DOCK10: variants seen among roughly 807,000 people sequenced by gnomAD.
DOCK10 encodes the protein dedicator of cytokinesis 10, also known as dedicator of cytokinesis protein 10.
A neutral mutation model predicts 280.1 loss-of-function variants in DOCK10; 145 were observed. The observed-to-expected ratio is 0.52, with a 90% CI of 0.45 to 0.59. DOCK10 has a LOEUF of 0.59. Among genes scored for constraint, DOCK10 ranks in the 20% least tolerant of loss-of-function variants. The pLI is 0.00. For missense variants in DOCK10, 2,368 were observed against 2,651.7 expected (o/e 0.89, Z 2.35); for synonymous variants, 915 against 942.2 (o/e 0.97, Z 0.53).
intron 1 of DOCK10, among the ~76,000 whole-genome samples, chr2:225,035,571 T>TATA (rs1553634941): frequency 1.4e-4 from 6 of 43,870 alleles, no homozygotes; most frequent in Non-Finnish European, 2.3e-4. Context: ...TATATATATA[T>TATA]ATATATATAT....
At chr2:224,785,525 G>A (rs1691671927) in intron 50 of DOCK10, among the ~76,000 whole-genome samples, 1 of 152,116 alleles carries the variant, frequency 6.6e-6, no homozygotes, top group Admixed American at 6.5e-5. Context: ...CTGTCACCCA[G>A]TCTAGAGTGC....
At chr2:224,966,078 C>T (rs991141931) in intron 1 of DOCK10, among the ~76,000 whole-genome samples, 15 of 152,162 alleles carry the variant, frequency 9.9e-5, no homozygotes, top group Non-Finnish European at 1.9e-4. Flanking sequence ...AATTGATTAA[C>T]GTTCTCCTAT....
chr2:224,898,005 A>G (rs963189705), intron 3 of DOCK10, among the ~76,000 whole-genome samples: 1 of 152,164 alleles, frequency 6.6e-6, no homozygotes, highest in Non-Finnish European at 1.5e-5. Context: ...GAAAATGAAG[A>G]GTAATAAACC....
intron 1 of DOCK10, among the ~76,000 whole-genome samples, chr2:224,999,667 AAT>A (rs1706373556): frequency 6.6e-6 from 1 of 152,004 alleles, no homozygotes; most frequent in South Asian, 2.1e-4. Flanking sequence ...TCTCAAAAAT[AAT>A]ATGATTCCCT....
chr2:224,884,613 T>A (rs1699169710), intron 7 of DOCK10, among the ~76,000 whole-genome samples: 1 of 152,198 alleles, frequency 6.6e-6, no homozygotes, highest in Non-Finnish European at 1.5e-5. Flanking sequence ...TGGCCCGTGC[T>A]GAATTTCATA....
At chr2:224,974,030 G>A (rs1010502381) in intron 1 of DOCK10, among the ~76,000 whole-genome samples, 1 of 152,180 alleles carries the variant, frequency 6.6e-6, no homozygotes, top group Non-Finnish European at 1.5e-5. Context: ...GAGGAGGTGC[G>A]ATGTCCAAAG....
chr2:224,907,932 G>A (rs1700758132), intron 3 of DOCK10, among the ~76,000 whole-genome samples: 2 of 152,058 alleles, frequency 1.3e-5, no homozygotes, highest in Non-Finnish European at 2.9e-5. Context: ...AAAGATACTT[G>A]GAGAAAAATG....
intron 1 of DOCK10, among the ~76,000 whole-genome samples, chr2:224,959,234 G>T (rs1032318198): frequency 2.6e-5 from 4 of 152,068 alleles, no homozygotes; most frequent in Admixed American, 6.6e-5. Context: ...GATGGCATCA[G>T]GAAGCCTGTA....
At chr2:224,794,189 T>C (rs1692396661) in intron 45 of DOCK10, among the ~76,000 whole-genome samples, 1 of 152,234 alleles carries the variant, frequency 6.6e-6, no homozygotes, top group South Asian at 2.1e-4. Context: ...CCAGAGTCCC[T>C]GATTACCACA....
intron 17 of DOCK10, among the ~76,000 whole-genome samples, chr2:224,852,694 A>AG (rs1329709864): frequency 6.6e-6 from 1 of 152,226 alleles, no homozygotes; most frequent in East Asian, 1.9e-4. Context: ...ACTAAAAAAA[A>AG]TAGTCGAACA....
chr2:224,828,484 G>A lies in DOCK10; in HGVS notation c.3036+2057C>T, dbSNP rs1430233213. Among the ~76,000 whole-genome samples the A allele has an allele frequency of 2.0e-5, 3 of 152,306 alleles. No homozygotes were observed. In the East Asian group the frequency reaches 5.8e-4, roughly 29 times the overall value. On this transcript the variant is annotated intron_variant, in intron 27 of 55. Coordinates refer to ENST00000258390, the MANE Select transcript of DOCK10 (RefSeq NM_014689.3). ...GGAGGGAGGTGGATATACAGGAATGGACATTAATTGAGACTGGAAGATCCA... is the reference window on the plus strand; with the variant it reads ...GGAGGGAGGTGGATATACAGGAATGAACATTAATTGAGACTGGAAGATCCA...
At position 225,042,380 on chromosome 2, in the gene DOCK10, G is replaced by A; in HGVS notation, c.-6C>T. The A allele has an allele frequency of 8.0e-7, 1 of 1,248,334 alleles. No individual in the cohort carries two copies. Among genetic ancestry groups the A allele is most frequent in the Non-Finnish European group, 1.0e-6 (1 of 995,482 alleles). 77.3% of individuals were successfully genotyped at this position (1,248,334 alleles called of 1,614,324 possible). A position where few individuals can be genotyped will look rare whatever the true frequency, so the allele number is the denominator to read the frequency against. On this transcript the variant is annotated 5_prime_UTR_variant, in exon 1 of 56. Transcript: ENST00000258390. This position sits in a 1 kb window ranked among gnomAD's most constrained non-coding sequence, Gnocchi z 5.1. ...CGGGTCCGCTCACCGGCCATCGCCG[G>A]TCACGCCAATCGCGCCGCGGGCCCG...
chr2:224,947,842 C>T (rs1235402012), intron 1 of DOCK10, among the ~76,000 whole-genome samples: 1 of 152,130 alleles, frequency 6.6e-6, no homozygotes, highest in African/African-American at 2.4e-5. Context: ...CATGCAATTT[C>T]ATTTCATTCA....
chr2:224,853,112 T>A lies in DOCK10; in HGVS notation c.1899A>T (p.Thr633=), dbSNP rs781395508. Residue 633 remains threonine, a synonymous_variant, in exon 17 of 56, where the codon ACA becomes ACT. Coordinates refer to ENST00000258390, the MANE Select transcript of DOCK10 (RefSeq NM_014689.3). ...NVPLEHPNCV[T]SSFIPVKPFN... The stretch of plus-strand genomic sequence containing the variant: ...AAGGCTTGACAGGGATAAAGGACGA[T>A]GTTACACAATCTTAAAAAATCAGAA... 1 of 1,571,708 alleles carries A rather than the reference T, an allele frequency of 6.4e-7. No individual in the cohort carries two copies. The highest frequency in any genetic ancestry group is 1.4e-5 in the African/African-American group (1 of 73,332).
At chr2:224,921,527 A>G (rs1182381666) in intron 2 of DOCK10, among the ~76,000 whole-genome samples, 1 of 151,954 alleles carries the variant, frequency 6.6e-6, no homozygotes. Flanking sequence ...ATTCAGGCCG[A>G]GTTACAAAAA....
At chr2:224,871,099 T>C (rs1481156079) in intron 11 of DOCK10, among the ~76,000 whole-genome samples, 1 of 152,126 alleles carries the variant, frequency 6.6e-6, no homozygotes, top group Non-Finnish European at 1.5e-5. Flanking sequence ...AGTGCTGGGA[T>C]TACAGGTGTG....
intron 1 of DOCK10, among the ~76,000 whole-genome samples, chr2:224,936,068 C>T (rs13394178): frequency 0.56 from 84,390 of 151,910 alleles, 24,545 homozygotes; most frequent in Non-Finnish European, 0.64. Flanking sequence ...CAGTGTATCT[C>T]TTTCAGAGAA....
At chr2:224,919,970 G>A (rs1048672665) in intron 2 of DOCK10, among the ~76,000 whole-genome samples, 5 of 152,170 alleles carry the variant, frequency 3.3e-5, no homozygotes, top group Admixed American at 6.5e-5. Context: ...ACCAGGCATA[G>A]GTGCAGGGAG....
At chr2:224,955,947 G>A (rs183030392) in intron 1 of DOCK10, among the ~76,000 whole-genome samples, 3 of 152,308 alleles carry the variant, frequency 2.0e-5, no homozygotes, top group Non-Finnish European at 2.9e-5. Context: ...AACATTGTTC[G>A]TGTCTGTCCA....
Sources: gnomAD v4.1 joint callset for allele counts (sites outside exome capture counted in the v4.1 genomes callset) on GRCh38, gnomAD v4.1.1 for gene constraint, Gnocchi (gnomAD v3.1) non-coding constraint, MANE v1.5 for transcripts, NCBI Gene and HGNC (gene_info 2026-07-23, HGNC 2026-07-21) for gene names.